KAZN: variants seen among roughly 807,000 people sequenced by gnomAD.
KAZN encodes kazrin.
A neutral mutation model predicts 87.4 loss-of-function variants in KAZN; 40 were observed. The observed-to-expected ratio is 0.46, with a 90% CI of 0.36 to 0.60. KAZN has a LOEUF of 0.60. Among genes scored for constraint, KAZN ranks in the 20% least tolerant of loss-of-function variants. The probability of loss-of-function intolerance (pLI) is 0.00; values close to 1 mark genes in which losing one functional copy is unlikely to be tolerated. For missense variants in KAZN, 898 were observed against 1,073.9 expected (o/e 0.84, Z 2.29); for synonymous variants, 466 against 458.3 (o/e 1.02, Z -0.22).
intron 1 of KAZN, among the ~76,000 whole-genome samples, chr1:14,918,490 A>G (rs1223867445): frequency 6.6e-6 from 1 of 151,726 alleles, no homozygotes; most frequent in Non-Finnish European, 1.5e-5. Context: ...AGCCAGACCA[A>G]TATGGTGAAA....
chr1:14,103,065 C>T (rs115072105), intron 1 of KAZN, among the ~76,000 whole-genome samples: 6,189 of 152,052 alleles, frequency 0.041, 177 homozygotes, highest in Non-Finnish European at 0.06. Context: ...TATAGGTGTG[C>T]ACCACCACAC....
intron 1 of KAZN, among the ~76,000 whole-genome samples, chr1:14,124,533 C>T (rs114809746): frequency 2.6e-4 from 40 of 152,312 alleles, no homozygotes; most frequent in African/African-American, 1.7e-4. Context: ...TCACCATCCT[C>T]GGCACAGAAT....
At position 15,070,658 on chromosome 1, in the gene KAZN, C is replaced by T. The variant is rs1056279837; in HGVS notation, c.1222+4905C>T. ...ACCGTGGGGGACATCAGTCGTTTGA[C>T]AAAATGATTTTTAAAATACCTCTGG... On this transcript the variant is annotated intron_variant, in intron 8 of 14. Transcript: ENST00000376030. 6.6e-5 allele frequency among the ~76,000 whole-genome samples: 10 copies of T among 152,296 alleles called. No individual in the cohort carries two copies. In the East Asian group the frequency reaches 1.9e-3, roughly 29 times the overall value.
chr1:14,514,624 T>C (rs1368879567), intron 2 of KAZN, among the ~76,000 whole-genome samples: 3 of 74,366 alleles, frequency 4.0e-5, no homozygotes, highest in African/African-American at 1.5e-4. Context: ...TATATATATA[T>C]ATATATATAT....
In KAZN at chr1:14,599,068, C is replaced by T. The variant is rs762178811; in HGVS notation, c.71C>T (p.Thr24Ile). Residue 24 changes from threonine (T) to isoleucine (I), a missense_variant, in exon 1 of 15, where the codon ACC (threonine) becomes ATC (isoleucine). By Grantham distance (89) the Thr-to-Ile change is moderately conservative. Coordinates refer to ENST00000376030, the MANE Select transcript of KAZN (RefSeq NM_201628.3). This position sits in a 1 kb window ranked among gnomAD's most constrained non-coding sequence, Gnocchi z 4.4. ...GAVQSASQEV[T>I]NLRAELTATN... ...GTCCAGTCGGCCAGCCAGGAGGTGA[C>T]CAACCTGCGAGCCGAACTCACGGCC... 1 of 1,562,520 alleles carries T rather than the reference C, an allele frequency of 6.4e-7. No individual in the cohort carries two copies. The highest frequency in any genetic ancestry group is 1.9e-5 in the Admixed American group (1 of 51,366).
At chr1:14,671,604 G>A (rs1639920927) in intron 1 of KAZN, among the ~76,000 whole-genome samples, 1 of 152,132 alleles carries the variant, frequency 6.6e-6, no homozygotes, top group Admixed American at 6.5e-5. Flanking sequence ...TGAGAGAAGG[G>A]CAGTAGAATT....
intron 1 of KAZN, among the ~76,000 whole-genome samples, chr1:14,797,834 A>G (rs1277616469): frequency 1.3e-5 from 2 of 152,170 alleles, no homozygotes; most frequent in Non-Finnish European, 1.5e-5. Context: ...TGAGGATTCA[A>G]TGAAATAGTC....
At chr1:15,107,423 T>C (rs1641333747) in intron 13 of KAZN, among the ~76,000 whole-genome samples, 1 of 152,180 alleles carries the variant, frequency 6.6e-6, no homozygotes. Context: ...GGTGAAGACA[T>C]AAACCCATCC....
chr1:14,409,436 T>C (rs892441743), intron 2 of KAZN, among the ~76,000 whole-genome samples: 1 of 152,094 alleles, frequency 6.6e-6, no homozygotes, highest in South Asian at 2.1e-4. Context: ...AGCGCTTGAG[T>C]TCCTTGATGT....
At chr1:14,579,167 G>T (rs1280651062) in intron 2 of KAZN, among the ~76,000 whole-genome samples, 2 of 151,984 alleles carry the variant, frequency 1.3e-5, no homozygotes, top group Non-Finnish European at 2.9e-5. Context: ...AGTGACCCTT[G>T]GAACTTATTT....
intron 2 of KAZN, among the ~76,000 whole-genome samples, chr1:14,311,280 ACC>A (rs199633086): frequency 0.014 from 2,094 of 152,166 alleles, 21 homozygotes; most frequent in Middle Eastern, 0.048. Context: ...ATTGAACCTG[ACC>A]TCTTTATGTC....
At chr1:14,230,574 A>G (rs912068955) in intron 2 of KAZN, among the ~76,000 whole-genome samples, 2 of 152,072 alleles carry the variant, frequency 1.3e-5, no homozygotes, top group South Asian at 2.1e-4. Context: ...TTTTTCCTCT[A>G]TAGCTTGTTG....
At chr1:14,204,007 G>A (rs1011494893) in intron 2 of KAZN, among the ~76,000 whole-genome samples, 1 of 152,178 alleles carries the variant, frequency 6.6e-6, no homozygotes. Flanking sequence ...AATCACATTT[G>A]GGTGTGTTGC....
intron 2 of KAZN, among the ~76,000 whole-genome samples, chr1:14,237,236 A>G (rs1247577290): frequency 6.6e-6 from 1 of 152,160 alleles, no homozygotes; most frequent in Non-Finnish European, 1.5e-5. Flanking sequence ...TACTCAGTAG[A>G]TAAGAAACAG....
At chr1:13,965,283 C>G (rs922016580) in intron 1 of KAZN, among the ~76,000 whole-genome samples, 1 of 152,064 alleles carries the variant, frequency 6.6e-6, no homozygotes, top group Non-Finnish European at 1.5e-5. Flanking sequence ...ATGGGAGGCT[C>G]CTGGGGAGGA....
At chr1:14,340,459 G>A (rs1657595708) in intron 2 of KAZN, among the ~76,000 whole-genome samples, 1 of 152,136 alleles carries the variant, frequency 6.6e-6, no homozygotes, top group African/African-American at 2.4e-5. Context: ...CAACAATTTG[G>A]GTGTAACCCC....
intron 1 of KAZN, among the ~76,000 whole-genome samples, chr1:14,148,599 A>G (rs999280156): frequency 6.6e-6 from 1 of 152,138 alleles, no homozygotes; most frequent in Non-Finnish European, 1.5e-5. Context: ...TGGTTTTTCC[A>G]AAGCCATATT....
At chr1:15,063,688 C>G in intron 7 of KAZN, 66 bp downstream of exon 7, 1 of 1,288,348 alleles carries the variant, frequency 7.8e-7, no homozygotes, top group Non-Finnish European at 1.1e-6. Flanking sequence ...ACTTCACCCT[C>G]TGTTCCCCTG....
At chr1:14,336,295 T>C (rs1258236969) in intron 2 of KAZN, among the ~76,000 whole-genome samples, 3 of 152,262 alleles carry the variant, frequency 2.0e-5, no homozygotes, top group Non-Finnish European at 4.4e-5. Context: ...CATGTATTAG[T>C]ACTTCATTCC....
Sources: allele counts gnomAD v4.1 joint callset (sites outside exome capture counted in the v4.1 genomes callset), GRCh38; gene constraint gnomAD v4.1.1; non-coding constraint Gnocchi (gnomAD v3.1); transcripts MANE v1.5; gene names NCBI Gene and HGNC (gene_info 2026-07-23, HGNC 2026-07-21).